Variants in BBC3 observed in about 807,000 individuals in gnomAD.
BBC3 encodes bcl-2-binding component 3.
Under a neutral mutation model 18.2 loss-of-function variants are expected in BBC3, and 5 were observed. The ratio of observed to expected loss-of-function variants is 0.27; its 90% confidence interval spans 0.14 to 0.58. BBC3 has a LOEUF of 0.58. Ranked by LOEUF, BBC3 falls within the 20% of genes least tolerant of loss-of-function variation. BBC3 has a pLI of 0.91. For missense variants in BBC3, 224 were observed against 268.9 expected (o/e 0.83, Z 1.17); for synonymous variants, 119 against 128.0 (o/e 0.93, Z 0.47).
intron 3 of BBC3, among the ~76,000 whole-genome samples, chr19:47,226,132 C>T (rs1035412209): frequency 2.6e-5 from 4 of 151,878 alleles, no homozygotes; most frequent in African/African-American, 7.2e-5. Flanking sequence ...CTGCGGTCCC[C>T]GGCCCGCCCC....
chr19:47,226,569 G>T lies in BBC3; in HGVS notation c.460C>A (p.Arg154=), dbSNP rs1354223885. The T allele has an allele frequency of 6.4e-7, 1 of 1,569,840 alleles. No individual in the cohort carries two copies. Among genetic ancestry groups the T allele is most frequent in the Non-Finnish European group, 8.6e-7 (1 of 1,160,200 alleles). The part of the protein sequence containing the change: ...MADDLNAQYE[R]RRQEEQQRHR... ...ACCCCACCCCCAGCACTCACCCGCC[G>T]CTCGTACTGTGCGTTGAGGTCGTCC... is the stretch of plus-strand genomic sequence containing the variant. The change falls in exon 3 of 4, where the codon CGG becomes AGG. Residue 154 remains arginine (R), a synonymous_variant. Coordinates refer to ENST00000439096, the MANE Select transcript of BBC3 (RefSeq NM_014417.5).
At position 47,228,041 on chromosome 19, in the gene BBC3, G is replaced by A; in HGVS notation, c.274+117C>T. The A allele has an allele frequency of 1.2e-6, 1 of 842,640 alleles. No homozygotes were observed. The highest frequency in any genetic ancestry group is 1.6e-6 in the Non-Finnish European group (1 of 641,652). The allele number at this position is 842,640 out of a possible 1,614,324, so 52.2% of individuals were successfully genotyped here. ...AGACCACATTGGCCACACCCTCCCA[G>A]TGGCCCGGCTGGGCCCGCCACCTCC... On this transcript the variant is annotated intron_variant, in intron 2 of 3. Transcript: ENST00000439096. The surrounding 1 kb of genome is among the most constrained non-coding windows in gnomAD (Gnocchi z 5.5).
intron 3 of BBC3, 189 bp from the exon 4 acceptor site, chr19:47,222,107 G>A (rs1356888552): frequency 9.1e-6 from 5 of 546,964 alleles, no homozygotes; most frequent in African/African-American, 7.7e-5. Context: ...TGGAGGCAGA[G>A]GACAAACACG....
At chr19:47,232,491 G>C (rs1000000222), upstream of BBC3, 12 of 1,538,874 alleles carry the variant, frequency 7.8e-6, no homozygotes, top group Non-Finnish European at 1.1e-5. Flanking sequence ...ACACGTCGGA[G>C]CATGCACACC....
At chr19:47,223,257 C>A (rs1166917554) in intron 3 of BBC3, among the ~76,000 whole-genome samples, 2 of 146,726 alleles carry the variant, frequency 1.4e-5, no homozygotes, top group African/African-American at 5.1e-5. Flanking sequence ...GGTGACAGAG[C>A]GAGACTCCAT....
Position 47,228,391 on chromosome 19 carries a change from A to G in BBC3, c.41T>C (p.Val14Ala). 4 of 1,231,346 alleles carry G rather than the reference A, an allele frequency of 3.2e-6. No homozygotes were observed. The highest frequency in any genetic ancestry group is 3.0e-6 in the Non-Finnish European group (3 of 987,876). 76.3% of individuals were successfully genotyped at this position (1,231,346 alleles called of 1,614,324 possible). ...ARQEGSSPEPVEGLARDGPRP... is the reference protein window; with the variant it reads ...ARQEGSSPEPAEGLARDGPRP... Reference sequence around the variant, plus strand: ...CGGGCCGTCGCGGGCCAGGCCCTCTACGGGCTCCGGGGAGCTGCCCTCCTG... The same window carrying G: ...CGGGCCGTCGCGGGCCAGGCCCTCTGCGGGCTCCGGGGAGCTGCCCTCCTG... The change falls in exon 2 of 4, where the codon GTA becomes GCA. Residue 14 changes from valine (V) to alanine (A), a missense_variant. By Grantham distance (64) the Val-to-Ala change is moderately conservative. Transcript: ENST00000439096. This position sits in a 1 kb window ranked among gnomAD's most constrained non-coding sequence, Gnocchi z 5.5.
At position 47,221,528 on chromosome 19, in the gene BBC3, C is replaced by T; in HGVS notation, c.*274G>A. ...GCAGAGGCGGGCGGCTCAGTCCCCA[C>T]CCCCTCGGTCACCGCCACCTTCCGA... On this transcript the variant is annotated 3_prime_UTR_variant, in exon 4 of 4. Transcript: ENST00000439096. The T allele has an allele frequency of 3.3e-6, 2 of 614,402 alleles. No individual in the cohort carries two copies. Among genetic ancestry groups the T allele is most frequent in the Non-Finnish European group, 5.4e-6 (2 of 373,142 alleles). The allele number at this position is 614,402 out of a possible 1,614,324, so 38.1% of individuals were successfully genotyped here.
At chr19:47,223,121 A>G (rs2058770779) in intron 3 of BBC3, among the ~76,000 whole-genome samples, 1 of 151,394 alleles carries the variant, frequency 6.6e-6, no homozygotes, top group Admixed American at 6.6e-5. Flanking sequence ...ATACAAAAAA[A>G]TTAGCCGGGT....
intron 3 of BBC3, among the ~76,000 whole-genome samples, chr19:47,224,083 T>C (rs1337599240): frequency 6.6e-6 from 1 of 151,850 alleles, no homozygotes; most frequent in Non-Finnish European, 1.5e-5. Context: ...TCACCTGAGG[T>C]CGGGAATTCA....
rs1450226465 is a variant in BBC3, at chr19:47,224,107, C to G, written c.466-2189G>C. Among the ~76,000 whole-genome samples, 6 of 152,210 alleles carry G rather than the reference C, an allele frequency of 3.9e-5. No individual in the cohort carries two copies. In the East Asian group the frequency reaches 1.2e-3, roughly 29 times the overall value. On this transcript the variant is annotated intron_variant, in intron 3 of 3. Transcript: ENST00000439096. ...GTCGGGAATTCAAGATCAGCCTGGT[C>G]AACATAGTGAAACCCCGTCTCTACT...
rs2058908987 is a variant in BBC3, at chr19:47,231,121, T to C, written c.-208A>G. ...TCCCCGGGCCGCAGGCGCGTCCGCG[T>C]CGTGGCCGCTGCTGGGATCGCTGGT... On this transcript the variant is annotated 5_prime_UTR_variant, in exon 1 of 4. Coordinates refer to ENST00000439096, the MANE Select transcript of BBC3 (RefSeq NM_014417.5). The surrounding 1 kb of genome is among the most constrained non-coding windows in gnomAD (Gnocchi z 4.0). 13 of 981,732 alleles carry C rather than the reference T, an allele frequency of 1.3e-5. No homozygotes were observed. Among genetic ancestry groups the C allele is most frequent in the Non-Finnish European group, 1.5e-5 (12 of 826,342 alleles). 60.8% of individuals were successfully genotyped at this position (981,732 alleles called of 1,614,324 possible).
chr19:47,231,962 G>A (rs763926332), upstream of BBC3, among the ~76,000 whole-genome samples: 1 of 152,176 alleles, frequency 6.6e-6, no homozygotes, highest in African/African-American at 2.4e-5. This position sits in a 1 kb window ranked among gnomAD's most constrained non-coding sequence, Gnocchi z 4.0. Context: ...CTGTTACAGG[G>A]ATACCTGGAT....
chr19:47,223,518 G>A (rs1333343316), intron 3 of BBC3, among the ~76,000 whole-genome samples: 1 of 152,086 alleles, frequency 6.6e-6, no homozygotes, highest in Non-Finnish European at 1.5e-5. Flanking sequence ...AGTGAGCCGA[G>A]ATTGCACCAC....
intron 3 of BBC3, among the ~76,000 whole-genome samples, chr19:47,225,899 G>A (rs2058810684): frequency 6.6e-6 from 1 of 152,194 alleles, no homozygotes; most frequent in South Asian, 2.1e-4. Context: ...GATGGGGAGA[G>A]TAAGGAGCTT....
chr19:47,222,261 G>T, intron 3 of BBC3: 1 of 214,272 alleles, frequency 4.7e-6, no homozygotes, highest in Non-Finnish European at 9.2e-6. Flanking sequence ...TCCCTACAGG[G>T]CTGGCAAGAT....
At position 47,228,790 on chromosome 19, in the gene BBC3, G is replaced by A. The variant is rs946497481; in HGVS notation, c.-15-344C>T. ...CCACAACACAAACTCACTCCACTTGGGACTCACAGCATGGGCTGGTGGGGA... is the reference window on the plus strand; with the variant it reads ...CCACAACACAAACTCACTCCACTTGAGACTCACAGCATGGGCTGGTGGGGA... On this transcript the variant is annotated intron_variant, in intron 1 of 3. Transcript: ENST00000439096. The surrounding 1 kb of genome is among the most constrained non-coding windows in gnomAD (Gnocchi z 5.5). 6.6e-6 allele frequency among the ~76,000 whole-genome samples: 1 copy of A among 151,848 alleles called. No individual in the cohort carries two copies. The highest frequency in any genetic ancestry group is 1.5e-5 in the Non-Finnish European group (1 of 67,944).
chr19:47,221,177 C>T lies in BBC3; in HGVS notation c.*625G>A. 1 of 167,662 alleles carries T rather than the reference C, an allele frequency of 6.0e-6. No homozygotes were observed. Among genetic ancestry groups the T allele is most frequent in the East Asian group, 1.9e-4 (1 of 5,262 alleles). The allele number at this position is 167,662 out of a possible 1,614,324, so 10.4% of individuals were successfully genotyped here. ...GGTCACGGGCAGAGCACAGGATTCA[C>T]AGTCTGGGCCCCTCCTGGCCACCCC... On this transcript the variant is annotated 3_prime_UTR_variant, in exon 4 of 4. Coordinates refer to ENST00000439096, the MANE Select transcript of BBC3 (RefSeq NM_014417.5).
rs942926590 is a variant in BBC3 at position 47,228,837 on chromosome 19, G to A, written c.-15-391C>T. Among the ~76,000 whole-genome samples, 1 of 151,978 alleles carries A rather than the reference G, an allele frequency of 6.6e-6. No individual in the cohort carries two copies. Among genetic ancestry groups the A allele is most frequent in the African/African-American group, 2.4e-5 (1 of 41,332 alleles). The stretch of plus-strand genomic sequence containing the variant: ...GGGACAACTTTCCCAACACAGCGAC[G>A]GGCACACAGGGAGGGCAGTGAGGCA... On this transcript the variant is annotated intron_variant, in intron 1 of 3. Coordinates refer to ENST00000439096, the MANE Select transcript of BBC3 (RefSeq NM_014417.5). This position sits in a 1 kb window ranked among gnomAD's most constrained non-coding sequence, Gnocchi z 5.5.
intron 2 of BBC3, among the ~76,000 whole-genome samples, 159 bp downstream of exon 2, chr19:47,227,999 T>C (rs2058857807): frequency 6.6e-6 from 1 of 152,128 alleles, no homozygotes; most frequent in South Asian, 2.1e-4. Context: ...TCCGTCTTCC[T>C]GCTTCTTGCA....
Sources: gnomAD v4.1 joint callset for allele counts (sites outside exome capture counted in the v4.1 genomes callset) on GRCh38, gnomAD v4.1.1 for gene constraint, Gnocchi (gnomAD v3.1) non-coding constraint, MANE v1.5 for transcripts, NCBI Gene and HGNC (gene_info 2026-07-23, HGNC 2026-07-21) for gene names.